CNTNAP5: variants seen among roughly 807,000 people sequenced by gnomAD.
CNTNAP5 encodes contactin-associated protein-like 5.
In CNTNAP5, 72 loss-of-function variants were observed where a neutral mutation model predicts 150.2. The observed-to-expected ratio is 0.48, with a 90% CI of 0.40 to 0.58. CNTNAP5 has a LOEUF of 0.58. Ranked by LOEUF, CNTNAP5 falls within the 20% of genes least tolerant of loss-of-function variation. The pLI, the probability that CNTNAP5 is intolerant of heterozygous loss-of-function variation, is 0.00. For missense variants in CNTNAP5, 1,636 were observed against 1,626.2 expected (o/e 1.01, Z -0.10); for synonymous variants, 672 against 619.8 (o/e 1.08, Z -1.25).
chr2:124,357,491 T>A (rs1485667736), intron 3 of CNTNAP5, among the ~76,000 whole-genome samples: 2 of 152,122 alleles, frequency 1.3e-5, no homozygotes, highest in Non-Finnish European at 2.9e-5. Context: ...GTATAAGGTG[T>A]ACGGAAGGGA....
intron 14 of CNTNAP5, among the ~76,000 whole-genome samples, chr2:124,758,646 A>T (rs1680891964): frequency 6.6e-6 from 1 of 152,086 alleles, no homozygotes; most frequent in Non-Finnish European, 1.5e-5. Context: ...AGATGACAGA[A>T]TGCAGGCAAT....
At chr2:124,147,792 C>G (rs971210423) in intron 1 of CNTNAP5, among the ~76,000 whole-genome samples, 1 of 152,118 alleles carries the variant, frequency 6.6e-6, no homozygotes, top group Non-Finnish European at 1.5e-5. Context: ...GGCTTGGGCT[C>G]GGGCACCCTT....
chr2:124,556,194 A>G (rs1028063257), intron 10 of CNTNAP5, among the ~76,000 whole-genome samples: 1 of 152,166 alleles, frequency 6.6e-6, no homozygotes, highest in Non-Finnish European at 1.5e-5. Context: ...CTTCAGTGAC[A>G]GGTAGTATGC....
chr2:124,028,748 G>T (rs554089782), intron 1 of CNTNAP5, among the ~76,000 whole-genome samples: 1 of 152,098 alleles, frequency 6.6e-6, no homozygotes, highest in Admixed American at 6.5e-5. Flanking sequence ...GAGCTGAGGA[G>T]TTCTAGCCCT....
chr2:124,132,524 T>A (rs923053261), intron 1 of CNTNAP5, among the ~76,000 whole-genome samples: 45 of 152,168 alleles, frequency 3.0e-4, no homozygotes, highest in Non-Finnish European at 1.8e-4. Flanking sequence ...ACAACGAGGA[T>A]CAACTTCATC....
At chr2:124,380,376 C>T (rs1232761411) in intron 3 of CNTNAP5, among the ~76,000 whole-genome samples, 4 of 152,034 alleles carry the variant, frequency 2.6e-5, no homozygotes, top group South Asian at 2.1e-4. Context: ...TTCACAATAC[C>T]GACCAGTTTT....
chr2:124,545,151 T>G (rs556427430), intron 10 of CNTNAP5, among the ~76,000 whole-genome samples: 1 of 152,298 alleles, frequency 6.6e-6, no homozygotes, highest in East Asian at 1.9e-4. Flanking sequence ...AATCTAAACA[T>G]AATCCATTTA....
At chr2:124,567,862 T>TAGATAGATAG (rs71722900) in intron 11 of CNTNAP5, among the ~76,000 whole-genome samples, 2,848 of 128,130 alleles carry the variant, frequency 0.022, 61 homozygotes, top group East Asian at 0.097. Flanking sequence ...GATAGATAGA[T>TAGATAGATAG]AGATAGATAG....
chr2:124,845,671 A>G (rs545597777), intron 19 of CNTNAP5, among the ~76,000 whole-genome samples: 128 of 151,978 alleles, frequency 8.4e-4, no homozygotes, highest in African/African-American at 2.9e-3. Flanking sequence ...ACTGCTTGTT[A>G]TTGGTCTGTT....
At chr2:124,027,739 A>G (rs1680936308) in intron 1 of CNTNAP5, among the ~76,000 whole-genome samples, 1 of 152,234 alleles carries the variant, frequency 6.6e-6, no homozygotes, top group African/African-American at 2.4e-5. Flanking sequence ...ATTTCCAATC[A>G]ACATTTTAAT....
chr2:124,227,634 G>A (rs1424606196), intron 2 of CNTNAP5, among the ~76,000 whole-genome samples: 3 of 82,576 alleles, frequency 3.6e-5, no homozygotes, highest in Non-Finnish European at 5.5e-5. Flanking sequence ...TCAGCACATC[G>A]TGTGTATGTG....
intron 1 of CNTNAP5, among the ~76,000 whole-genome samples, chr2:124,167,669 CAATCT>C (rs1684838701): frequency 6.6e-6 from 1 of 152,192 alleles, no homozygotes; most frequent in Admixed American, 6.5e-5. Context: ...GTCTAGACAG[CAATCT>C]TAAGGACAGC....
At chr2:124,151,148 C>T (rs772188415) in intron 1 of CNTNAP5, among the ~76,000 whole-genome samples, 1 of 152,086 alleles carries the variant, frequency 6.6e-6, no homozygotes, top group African/African-American at 2.4e-5. Context: ...AGGAGGTGCA[C>T]GTGTCCAATG....
intron 10 of CNTNAP5, among the ~76,000 whole-genome samples, chr2:124,540,397 A>G (rs1337905890): frequency 6.6e-6 from 1 of 152,174 alleles, no homozygotes; most frequent in East Asian, 1.9e-4. Flanking sequence ...ATAGCTGTGT[A>G]TGTGTTCACA....
chr2:124,114,007 G>A (rs963092879), intron 1 of CNTNAP5, among the ~76,000 whole-genome samples: 1 of 151,842 alleles, frequency 6.6e-6, no homozygotes, highest in Non-Finnish European at 1.5e-5. Flanking sequence ...AATATCGCAT[G>A]TCCTAATTAC....
In CNTNAP5 at chr2:124,219,080, G is replaced by A. The variant is rs138755348; in HGVS notation, c.83-2625G>A. 1.3e-4 allele frequency among the ~76,000 whole-genome samples: 20 copies of A among 152,064 alleles called. No individual in the cohort carries two copies. The East Asian group carries it at 1.9e-3, about 15-fold the overall frequency. On this transcript the variant is annotated intron_variant, in intron 1 of 23. Coordinates refer to ENST00000682447, the MANE Select transcript of CNTNAP5 (RefSeq NM_001367498.1). ...ATTTTAACAATTTATATATGAATGC[G>A]AAGATTACCAAAAAAGAAAAAGAAG...
intron 1 of CNTNAP5, among the ~76,000 whole-genome samples, chr2:124,202,804 C>T (rs1685762418): frequency 6.6e-6 from 1 of 152,060 alleles, no homozygotes; most frequent in Non-Finnish European, 1.5e-5. Flanking sequence ...AAAATTCACC[C>T]CCATGATTCA....
chr2:124,184,688 C>T (rs1685291285), intron 1 of CNTNAP5, among the ~76,000 whole-genome samples: 1 of 152,128 alleles, frequency 6.6e-6, no homozygotes, highest in Non-Finnish European at 1.5e-5. Flanking sequence ...TTACATTGTG[C>T]TAAAGTGCAG....
chr2:124,760,555 C>T (rs905511430), intron 14 of CNTNAP5, among the ~76,000 whole-genome samples: 3 of 152,012 alleles, frequency 2.0e-5, no homozygotes, highest in African/African-American at 4.8e-5. Context: ...TGTACCATAC[C>T]CTTGCTCTTG....
Sources: gnomAD v4.1 joint callset for allele counts (sites outside exome capture counted in the v4.1 genomes callset) on GRCh38, gnomAD v4.1.1 for gene constraint, MANE v1.5 for transcripts, NCBI Gene and HGNC (gene_info 2026-07-23, HGNC 2026-07-21) for gene names.